The following AGTPBP1 variants were observed in gnomAD, a reference collection of about 807,000 sequenced individuals.
The protein encoded by AGTPBP1 is ATP/GTP binding carboxypeptidase 1.
In AGTPBP1, 70 loss-of-function variants were observed where a neutral mutation model predicts 143.9. The ratio of observed to expected loss-of-function variants is 0.49; its 90% CI spans 0.40 to 0.59. AGTPBP1 has a LOEUF of 0.59. Ranked by LOEUF, AGTPBP1 falls within the 20% of genes least tolerant of loss-of-function variation. The pLI, the probability that AGTPBP1 is intolerant of heterozygous loss-of-function variation, is 0.00. For synonymous variants in AGTPBP1, 463 were observed against 500.2 expected (o/e 0.93, Z 0.99); for missense variants, 1,229 against 1,464.5 (o/e 0.84, Z 2.62).
At chr9:85,783,503 C>T in the AGTPBP1 span, among the ~76,000 whole-genome samples, 2 of 152,118 alleles carry the variant, frequency 1.3e-5, no homozygotes, top group South Asian at 4.1e-4. Flanking sequence ...AATATAATGA[C>T]ATGAAACAAG....
intron 19 of AGTPBP1, 77 bp downstream of exon 19, chr9:85,592,483 G>T: frequency 1.0e-6 from 1 of 996,824 alleles, no homozygotes; most frequent in Non-Finnish European, 1.4e-6. Flanking sequence ...CCTTATGTTA[G>T]AATATTTAAC....
intron 11 of AGTPBP1, among the ~76,000 whole-genome samples, chr9:85,647,233 C>T (rs1007734410): frequency 1.3e-5 from 2 of 152,100 alleles, no homozygotes; most frequent in Non-Finnish European, 2.9e-5. Flanking sequence ...GCCAAGATCG[C>T]GCCATTGCAC....
At chr9:85,737,329 G>A (rs1435135999) in intron 1 of AGTPBP1, among the ~76,000 whole-genome samples, 1 of 152,078 alleles carries the variant, frequency 6.6e-6, no homozygotes, top group Non-Finnish European at 1.5e-5. Context: ...TTTAATGAAA[G>A]TGACTGAAAG....
the AGTPBP1 span, among the ~76,000 whole-genome samples, chr9:85,784,849 T>C: frequency 6.6e-6 from 1 of 152,230 alleles, no homozygotes; most frequent in African/African-American, 2.4e-5. Context: ...CAGCTGCTGT[T>C]GCAATTCAGA....
chr9:85,676,839 T>C (rs974932016), intron 6 of AGTPBP1, among the ~76,000 whole-genome samples: 1 of 152,174 alleles, frequency 6.6e-6, no homozygotes, highest in South Asian at 2.1e-4. Flanking sequence ...ATTTACACAA[T>C]AGAATACTAT....
intron 25 of AGTPBP1, among the ~76,000 whole-genome samples, chr9:85,559,397 T>C (rs532860996): frequency 6.6e-6 from 1 of 151,940 alleles, no homozygotes; most frequent in African/African-American, 2.4e-5. Flanking sequence ...CAAAAGCATT[T>C]ATTTCTGATC....
At chr9:85,583,882 T>C (rs1334829430) in intron 23 of AGTPBP1, among the ~76,000 whole-genome samples, 1 of 152,094 alleles carries the variant, frequency 6.6e-6, no homozygotes, top group Non-Finnish European at 1.5e-5. Context: ...TCAAATAACA[T>C]AGAAAACCTC....
In AGTPBP1 at chr9:85,695,005, T is replaced by C. The variant is rs140580330; in HGVS notation, c.33-2192A>G. On this transcript the variant is annotated intron_variant, in intron 2 of 25. Transcript: ENST00000357081. ...TCCATTCACTTCTCTCCATATCTAC[T>C]ATATGACTACCCACATCCAAGCAAT... is the stretch of plus-strand genomic sequence containing the variant. 6.6e-5 allele frequency among the ~76,000 whole-genome samples: 10 copies of C among 152,280 alleles called. 1 individual carries two copies. Among genetic ancestry groups the C allele is most frequent in the African/African-American group, 2.4e-4 (10 of 41,554 alleles).
chr9:85,689,898 C>CAAA lies in AGTPBP1; in HGVS notation c.157+2788_157+2790dup, dbSNP rs1156931410. Among the ~76,000 whole-genome samples, 64 of 28,342 alleles carry CAAA rather than the reference C, an allele frequency of 2.3e-3. 4 individuals are homozygous for CAAA. Among genetic ancestry groups the CAAA allele is most frequent in the Middle Eastern group, 0.033 (1 of 30 alleles). The allele number at this position is 28,342 out of a possible 152,430, so 18.6% of individuals were successfully genotyped here. Reference sequence around the variant, plus strand: ...CAACAGAGTGAGAGAGACTCTGCCTCAAAAAAAAAAAAAAAAAAAAAAAAA... The same window carrying CAAA: ...CAACAGAGTGAGAGAGACTCTGCCTCAAAAAAAAAAAAAAAAAAAAAAAAAAAA... On this transcript the variant is annotated intron_variant, in intron 3 of 25. Transcript: ENST00000357081.
chr9:85,609,679 C>T (rs1830200309), intron 17 of AGTPBP1, among the ~76,000 whole-genome samples: 1 of 152,052 alleles, frequency 6.6e-6, no homozygotes, highest in African/African-American at 2.4e-5. Flanking sequence ...CAAGATGGGC[C>T]TTGTGCCAAA....
At chr9:85,774,273 T>G in the AGTPBP1 span, among the ~76,000 whole-genome samples, 1 of 152,190 alleles carries the variant, frequency 6.6e-6, no homozygotes, top group African/African-American at 2.4e-5. Context: ...ACATAAGAAC[T>G]GCTACAATCC....
intron 13 of AGTPBP1, among the ~76,000 whole-genome samples, chr9:85,636,004 T>G (rs2133749444): frequency 6.6e-6 from 1 of 152,224 alleles, no homozygotes; most frequent in East Asian, 1.9e-4. Context: ...CCTTGAGGAT[T>G]CAATCTATAA....
chr9:85,707,497 A>AG (rs1167954761), intron 2 of AGTPBP1, among the ~76,000 whole-genome samples: 3 of 152,108 alleles, frequency 2.0e-5, no homozygotes, highest in African/African-American at 7.2e-5. Context: ...AGGCTGATTG[A>AG]GAAAAAAAAA....
intron 2 of AGTPBP1, among the ~76,000 whole-genome samples, chr9:85,695,610 C>T (rs1439569796): frequency 1.3e-5 from 2 of 152,160 alleles, no homozygotes; most frequent in Non-Finnish European, 2.9e-5. Flanking sequence ...AAAGAGAATG[C>T]CAGTTTTACC....
At chr9:85,688,813 G>A (rs1389373037) in intron 3 of AGTPBP1, among the ~76,000 whole-genome samples, 1 of 152,118 alleles carries the variant, frequency 6.6e-6, no homozygotes, top group Admixed American at 6.6e-5. Context: ...AAATACATAA[G>A]TAGTATATGC....
At chr9:85,725,429 TA>T (rs1195729458) in intron 1 of AGTPBP1, among the ~76,000 whole-genome samples, 4 of 152,150 alleles carry the variant, frequency 2.6e-5, no homozygotes, top group Non-Finnish European at 4.4e-5. Context: ...AAACCATGTT[TA>T]TTGAGATACA....
chr9:85,620,427 A>G (rs1457610747), intron 15 of AGTPBP1, among the ~76,000 whole-genome samples: 5 of 151,958 alleles, frequency 3.3e-5, no homozygotes, highest in Non-Finnish European at 5.9e-5. Context: ...ATCTAAAAAA[A>G]AAAAAAAAAA....
intron 14 of AGTPBP1, among the ~76,000 whole-genome samples, chr9:85,624,405 C>T (rs920956482): frequency 2.0e-5 from 3 of 152,172 alleles, no homozygotes; most frequent in African/African-American, 7.2e-5. Context: ...AATAATAGCA[C>T]CTTCCTCATA....
intron 18 of AGTPBP1, among the ~76,000 whole-genome samples, chr9:85,595,524 T>TTATA (rs1554699140): frequency 6.6e-6 from 1 of 152,100 alleles, no homozygotes; most frequent in East Asian, 1.9e-4. Context: ...CACTTATTTA[T>TTATA]TTTATTTATT....
Sources: gnomAD v4.1 joint callset for allele counts (sites outside exome capture counted in the v4.1 genomes callset) on GRCh38, gnomAD v4.1.1 for gene constraint, MANE v1.5 for transcripts, NCBI Gene and HGNC (gene_info 2026-07-23, HGNC 2026-07-21) for gene names.